DOCK1: variants seen among roughly 807,000 people sequenced by gnomAD.
DOCK1 encodes the protein dedicator of cytokinesis protein 1.
In DOCK1, 138 loss-of-function variants were observed where a neutral mutation model predicts 262.7. That is an observed-to-expected ratio of 0.53 (90% CI 0.46 to 0.61). The LOEUF is 0.61. Ranked by LOEUF, DOCK1 falls within the 20% of genes least tolerant of loss-of-function variation. The probability of loss-of-function intolerance (pLI) is 0.00; values close to 1 mark genes in which losing one functional copy is unlikely to be tolerated. For synonymous variants in DOCK1, 866 were observed against 867.4 expected, an observed-to-expected ratio of 1.00 and a Z score of 0.03; for missense variants, 1,908 against 2,370.7, an observed-to-expected ratio of 0.80 and a Z score of 4.05.
In DOCK1 at chr10:126,978,133, A is replaced by C. The variant is rs919118543; in HGVS notation, c.171+145A>C. The C allele has an allele frequency of 1.2e-5, 9 of 782,208 alleles. No homozygotes were observed. In the African/African-American group the frequency reaches 1.6e-4, roughly 13 times the overall value. 48.5% of individuals were successfully genotyped at this position (782,208 alleles called of 1,614,324 possible). On this transcript the variant is annotated intron_variant, in intron 3 of 51. Transcript: ENST00000623213. ...AAAAAATATATGGGTAGGAATGTGA[A>C]CGAGCTTGGATTGTTTTCTTCTGAA...
At chr10:127,026,264 A>G in intron 15 of DOCK1, 88 bp from the exon 16 acceptor site, 2 of 1,224,424 alleles carry the variant, frequency 1.6e-6, no homozygotes, top group Non-Finnish European at 1.2e-6. Flanking sequence ...AAATGTTTAC[A>G]GTTGTACCTG....
At chr10:126,935,764 C>T (rs1376243801) in intron 1 of DOCK1, among the ~76,000 whole-genome samples, 2 of 152,222 alleles carry the variant, frequency 1.3e-5, no homozygotes, top group Non-Finnish European at 2.9e-5. Flanking sequence ...GCCTTGGGAT[C>T]GCCTGGTTCC....
At chr10:127,355,124 A>G (rs73384660) in intron 32 of DOCK1, among the ~76,000 whole-genome samples, 25,816 of 101,632 alleles carry the variant, frequency 0.25, 2,530 homozygotes, top group Middle Eastern at 0.41. Flanking sequence ...CTAAAGGGTT[A>G]ATTCCCCTCC....
chr10:127,021,191 A>G (rs1453432199), intron 13 of DOCK1, among the ~76,000 whole-genome samples: 2 of 151,852 alleles, frequency 1.3e-5, no homozygotes, highest in Admixed American at 6.6e-5. Context: ...AGGCTGTGGG[A>G]GTTTCGCCCT....
intron 27 of DOCK1, among the ~76,000 whole-genome samples, chr10:127,138,714 C>T (rs2050930206): frequency 6.6e-6 from 1 of 152,210 alleles, no homozygotes; most frequent in South Asian, 2.1e-4. Context: ...TCACTCAAGC[C>T]ATGGCGTGCA....
intron 27 of DOCK1, among the ~76,000 whole-genome samples, chr10:127,210,590 A>G (rs776860077): frequency 1.1e-4 from 16 of 152,106 alleles, no homozygotes; most frequent in Non-Finnish European, 1.6e-4. Flanking sequence ...TGGTTCTTCT[A>G]TCTGTCCCTG....
intron 1 of DOCK1, among the ~76,000 whole-genome samples, chr10:126,954,272 C>G (rs1464582879): frequency 6.6e-6 from 1 of 152,256 alleles, no homozygotes; most frequent in Non-Finnish European, 1.5e-5. Context: ...GATGAGGCAG[C>G]TGAGTCCTGG....
chr10:127,189,983 G>A (rs1198036706), intron 27 of DOCK1, among the ~76,000 whole-genome samples: 2 of 152,174 alleles, frequency 1.3e-5, no homozygotes, highest in Admixed American at 6.5e-5. Flanking sequence ...ATGCTGGCCC[G>A]ATGAACTCTC....
At chr10:127,414,162 C>T (rs1032817333) in intron 43 of DOCK1, among the ~76,000 whole-genome samples, 38 of 152,244 alleles carry the variant, frequency 2.5e-4, no homozygotes, top group African/African-American at 8.9e-4. Context: ...TCTGCCCGCC[C>T]TGGCCTCCCA....
chr10:127,125,855 A>C (rs1447725692), intron 26 of DOCK1, among the ~76,000 whole-genome samples: 1 of 152,106 alleles, frequency 6.6e-6, no homozygotes, highest in Non-Finnish European at 1.5e-5. Flanking sequence ...CTCAGGACCT[A>C]AATTTTCATC....
At chr10:127,064,753 C>G (rs2045752005) in intron 23 of DOCK1, among the ~76,000 whole-genome samples, 2 of 152,302 alleles carry the variant, frequency 1.3e-5, no homozygotes, top group African/African-American at 4.8e-5. Context: ...ACTGCCGTGG[C>G]CAAATAACAT....
At chr10:127,048,654 TTAAAC>T (rs765377108) in intron 21 of DOCK1, among the ~76,000 whole-genome samples, 2 of 152,196 alleles carry the variant, frequency 1.3e-5, no homozygotes, top group Admixed American at 1.3e-4. Flanking sequence ...TTAAATAAAA[TTAAAC>T]TAAACAATTA....
At chr10:127,102,747 G>A (rs2048321560) in intron 23 of DOCK1, among the ~76,000 whole-genome samples, 1 of 152,170 alleles carries the variant, frequency 6.6e-6, no homozygotes, top group Non-Finnish European at 1.5e-5. Flanking sequence ...GACTGAGGCA[G>A]AAGAATCACG....
At chr10:126,986,357 CTG>C in intron 4 of DOCK1, among the ~76,000 whole-genome samples, 1 of 152,182 alleles carries the variant, frequency 6.6e-6, no homozygotes, top group Non-Finnish European at 1.5e-5. Context: ...GGTCTGGGCT[CTG>C]TGCACATCAA....
chr10:127,132,861 G>A lies in DOCK1; in HGVS notation c.2847+5097G>A, dbSNP rs146314816. Among the ~76,000 whole-genome samples, 796 of 152,296 alleles carry A rather than the reference G, an allele frequency of 5.2e-3. 5 individuals carry two copies. Among genetic ancestry groups the A allele is most frequent in the Non-Finnish European group, 9.0e-3 (613 of 68,038 alleles). On this transcript the variant is annotated intron_variant, in intron 27 of 51. Coordinates refer to ENST00000623213, the MANE Select transcript of DOCK1 (RefSeq NM_001290223.2). ...TCTTTGGCCTGGATACACACGAGGG[G>A]ATTGGAAATTACTAATTCATGAAAA...
intron 46 of DOCK1, among the ~76,000 whole-genome samples, chr10:127,424,318 A>T (rs562745674): frequency 4.7e-4 from 71 of 152,336 alleles, no homozygotes; most frequent in African/African-American, 1.7e-3. Context: ...CTAAACCAAA[A>T]GGTCTTAACT....
At chr10:127,229,959 T>G (rs1243190802) in intron 27 of DOCK1, among the ~76,000 whole-genome samples, 3 of 152,222 alleles carry the variant, frequency 2.0e-5, no homozygotes, top group African/African-American at 4.8e-5. Context: ...CTGGTTTTGA[T>G]TTGCATTTCC....
intron 46 of DOCK1, 135 bp from the exon 47 acceptor site, chr10:127,425,738 CT>C: frequency 7.6e-7 from 1 of 1,323,718 alleles, no homozygotes; most frequent in Non-Finnish European, 1.0e-6. Context: ...AATATGCCTG[CT>C]GGTAAATTGA....
At chr10:126,923,570 G>C (rs1564985344) in intron 1 of DOCK1, among the ~76,000 whole-genome samples, 1 of 152,246 alleles carries the variant, frequency 6.6e-6, no homozygotes, top group Non-Finnish European at 1.5e-5. Flanking sequence ...GTTGCAGTGA[G>C]CCGAGATGGC....
Sources: gnomAD v4.1 joint callset for allele counts (sites outside exome capture counted in the v4.1 genomes callset) on GRCh38, gnomAD v4.1.1 for gene constraint, MANE v1.5 for transcripts, NCBI Gene and HGNC (gene_info 2026-07-23, HGNC 2026-07-21) for gene names.